Variants in CERS6 observed in about 807,000 individuals in gnomAD.
The protein encoded by CERS6 is ceramide synthase 6, also known as LAG1 homolog, ceramide synthase 6.
Under a neutral mutation model 56.8 loss-of-function variants are expected in CERS6, and 26 were observed. The ratio of observed to expected loss-of-function variants is 0.46; its 90% confidence interval spans 0.34 to 0.63. The LOEUF (loss-of-function observed/expected upper bound fraction) is 0.63. Among genes scored for constraint, CERS6 ranks in the 30% least tolerant of loss-of-function variants. CERS6 has a pLI of 0.01. For missense variants in CERS6, 415 were observed against 467.5 expected, an observed-to-expected ratio of 0.89 and a Z score of 1.04; for synonymous variants, 164 against 173.3, an observed-to-expected ratio of 0.95 and a Z score of 0.42.
chr2:168,633,139 A>G (rs1323734688), intron 4 of CERS6, among the ~76,000 whole-genome samples: 1 of 151,726 alleles, frequency 6.6e-6, no homozygotes, highest in Non-Finnish European at 1.5e-5. Flanking sequence ...TTTCCTTTCA[A>G]CTGCCTCTGG....
rs139578489 is a variant in CERS6 at position 168,645,572 on chromosome 2, GA to G, written c.465+14532del. ...ATATTTTAGGTTTGGGGCTACATGT[GA>G]AGGTTTGTTACAGAGGTAAACTCAT... On this transcript the variant is annotated intron_variant, in intron 4 of 9. Transcript: ENST00000305747. 7.6e-3 allele frequency among the ~76,000 whole-genome samples: 1,162 copies of G among 152,216 alleles called. 17 individuals are homozygous for G. The highest frequency in any genetic ancestry group is 0.026 in the African/African-American group (1,099 of 41,532).
chr2:168,586,815 AAAT>A (rs1222982009), intron 3 of CERS6, among the ~76,000 whole-genome samples: 4 of 152,202 alleles, frequency 2.6e-5, no homozygotes, highest in Admixed American at 2.6e-4. Flanking sequence ...TGTGAGATTT[AAAT>A]AATATAAAGT....
At chr2:168,625,898 A>G (rs1684579812) in intron 3 of CERS6, among the ~76,000 whole-genome samples, 2 of 152,308 alleles carry the variant, frequency 1.3e-5, no homozygotes, top group African/African-American at 2.4e-5. Flanking sequence ...TTCATTCATC[A>G]GGGTAGAGAC....
At chr2:168,724,703 C>T (rs565762594) in intron 8 of CERS6, among the ~76,000 whole-genome samples, 1 of 152,014 alleles carries the variant, frequency 6.6e-6, no homozygotes, top group South Asian at 2.1e-4. Flanking sequence ...CTGAGCTAGA[C>T]ACAGGGTGCA....
At chr2:168,743,244 G>GTA (rs66764205) in intron 8 of CERS6, among the ~76,000 whole-genome samples, 106 of 151,042 alleles carry the variant, frequency 7.0e-4, no homozygotes, top group Non-Finnish European at 9.6e-4. Flanking sequence ...ATGTGTGTGT[G>GTA]TATATATATA....
At chr2:168,543,850 A>G (rs531189904) in intron 1 of CERS6, among the ~76,000 whole-genome samples, 1 of 152,346 alleles carries the variant, frequency 6.6e-6, no homozygotes, top group East Asian at 1.9e-4. Context: ...TTCTAGGGAC[A>G]ATAAGTATTA....
intron 8 of CERS6, among the ~76,000 whole-genome samples, chr2:168,756,475 A>G (rs1433606117): frequency 6.6e-6 from 1 of 152,234 alleles, no homozygotes; most frequent in African/African-American, 2.4e-5. Flanking sequence ...AATGGAGACA[A>G]TTCTGTTGGG....
intron 8 of CERS6, among the ~76,000 whole-genome samples, chr2:168,744,106 C>G (rs1473895180): frequency 6.8e-6 from 1 of 147,768 alleles, no homozygotes; most frequent in African/African-American, 2.5e-5. Context: ...CCTGTGTTCT[C>G]GCCATTCTCC....
intron 4 of CERS6, among the ~76,000 whole-genome samples, chr2:168,673,334 T>C (rs1179152131): frequency 6.6e-6 from 1 of 152,202 alleles, no homozygotes; most frequent in Non-Finnish European, 1.5e-5. Flanking sequence ...ATGCCCTGAT[T>C]GTGTTTAATA....
chr2:168,681,663 A>G (rs750455020), intron 4 of CERS6, among the ~76,000 whole-genome samples: 14 of 152,160 alleles, frequency 9.2e-5, no homozygotes, highest in Non-Finnish European at 1.6e-4. Flanking sequence ...CCACTCTTCC[A>G]GCTAATTGAA....
At chr2:168,639,713 G>C (rs1375554647) in intron 4 of CERS6, among the ~76,000 whole-genome samples, 2 of 152,088 alleles carry the variant, frequency 1.3e-5, no homozygotes, top group Non-Finnish European at 2.9e-5. Flanking sequence ...ACTTGATGTG[G>C]AGCAGAGCAG....
intron 3 of CERS6, among the ~76,000 whole-genome samples, chr2:168,612,820 A>G (rs1476633067): frequency 5.3e-5 from 8 of 152,206 alleles, no homozygotes; most frequent in Admixed American, 4.6e-4. Flanking sequence ...GTGTTTTGCA[A>G]GCAACCTCCT....
At chr2:168,737,383 AT>A (rs1389345023) in intron 8 of CERS6, among the ~76,000 whole-genome samples, 1 of 152,222 alleles carries the variant, frequency 6.6e-6, no homozygotes, top group Non-Finnish European at 1.5e-5. Context: ...TAAGGAAAAA[AT>A]TCTGCGGCGT....
chr2:168,617,175 T>G (rs1389143003), intron 3 of CERS6, among the ~76,000 whole-genome samples: 1 of 152,170 alleles, frequency 6.6e-6, no homozygotes, highest in Non-Finnish European at 1.5e-5. Context: ...TAAAAATTCT[T>G]CAAACTGAAT....
At chr2:168,631,647 TTTATA>T (rs1309310150) in intron 4 of CERS6, among the ~76,000 whole-genome samples, 23 of 43,610 alleles carry the variant, frequency 5.3e-4, no homozygotes, top group East Asian at 2.5e-3. Context: ...ATATTTTATA[TTTATA>T]TTATATATAA....
At position 168,775,006 on chromosome 2, in the gene CERS6, T is replaced by C. The variant is rs1684969822; in HGVS notation, c.*5344T>C. ...CCAATTAGAATTATTTTATGTATTG[T>C]TATTGTGTTTTGCTGATTTTTATAT... On this transcript the variant is annotated 3_prime_UTR_variant, in exon 10 of 10. Transcript: ENST00000305747. 1 of 152,246 alleles carries C rather than the reference T, an allele frequency of 6.6e-6. No individual in the cohort carries two copies. Among genetic ancestry groups the C allele is most frequent in the Non-Finnish European group, 1.5e-5 (1 of 68,044 alleles). The allele number at this position is 152,246 out of a possible 1,614,324, so 9.4% of individuals were successfully genotyped here. A position where few individuals can be genotyped will look rare whatever the true frequency, so the allele number is the denominator to read the frequency against.
chr2:168,543,228 A>C (rs1247027916), intron 1 of CERS6, among the ~76,000 whole-genome samples: 4 of 152,230 alleles, frequency 2.6e-5, no homozygotes, highest in Non-Finnish European at 5.9e-5. Flanking sequence ...AGTACTTTAT[A>C]GATGTTTGAT....
chr2:168,554,091 T>A (rs1479014563), intron 2 of CERS6, among the ~76,000 whole-genome samples: 1 of 152,082 alleles, frequency 6.6e-6, no homozygotes, highest in Admixed American at 6.6e-5. Context: ...ATATTGCTCA[T>A]TTGAATTATT....
chr2:168,752,754 G>A lies in CERS6; in HGVS notation c.846-12838G>A, dbSNP rs116821342. 6.2e-3 allele frequency among the ~76,000 whole-genome samples: 938 copies of A among 152,358 alleles called. 15 individuals carry two copies. The highest frequency in any genetic ancestry group is 0.021 in the African/African-American group (873 of 41,582). On this transcript the variant is annotated intron_variant, in intron 8 of 9. Transcript: ENST00000305747. ...CAGTGTGCTCAGGAGGCAGTGGTTTGATCTCATAAATATAGCATTTGTTCA... is the reference window on the plus strand; with the variant it reads ...CAGTGTGCTCAGGAGGCAGTGGTTTAATCTCATAAATATAGCATTTGTTCA...
Sources: allele counts gnomAD v4.1 joint callset (sites outside exome capture counted in the v4.1 genomes callset), GRCh38; gene constraint gnomAD v4.1.1; transcripts MANE v1.5; gene names NCBI Gene and HGNC (gene_info 2026-07-23, HGNC 2026-07-21).